AUTS2: variants seen among roughly 807,000 people sequenced by gnomAD.
The protein encoded by AUTS2 is activator of transcription and developmental regulator AUTS2, also known as autism susceptibility gene 2 protein.
AUTS2 carries 17 observed loss-of-function variants against 112.4 expected under a neutral mutation model. That is an observed-to-expected ratio of 0.15 (90% CI 0.10 to 0.23). The LOEUF (loss-of-function observed/expected upper bound fraction) is 0.23, where lower values mean the gene tolerates loss of function less well. Ranked by LOEUF, AUTS2 falls within the 10% of genes least tolerant of loss-of-function variation. AUTS2 has a pLI of 1.00. For synonymous variants in AUTS2, 751 were observed against 702.7 expected (o/e 1.07, Z -1.09); for missense variants, 1,510 against 1,701.6 (o/e 0.89, Z 1.98).
chr7:70,057,305 A>T (rs1584650379), intron 2 of AUTS2, among the ~76,000 whole-genome samples: 1 of 152,198 alleles, frequency 6.6e-6, no homozygotes, highest in South Asian at 2.1e-4. Context: ...ATGATTAATG[A>T]TGCCAAAACT....
chr7:70,377,042 A>C (rs1208629935), intron 4 of AUTS2, among the ~76,000 whole-genome samples: 1 of 151,014 alleles, frequency 6.6e-6, no homozygotes, highest in East Asian at 2.0e-4. Flanking sequence ...ATGCCTGTTT[A>C]TTTGCTTTTT....
intron 2 of AUTS2, among the ~76,000 whole-genome samples, chr7:70,047,644 A>T (rs1473536894): frequency 1.3e-5 from 2 of 152,136 alleles, no homozygotes; most frequent in Non-Finnish European, 2.9e-5. Context: ...ATTTGGAGAG[A>T]TCACTCTTAG....
intron 6 of AUTS2, among the ~76,000 whole-genome samples, chr7:70,752,447 G>A (rs1788927570): frequency 6.6e-6 from 1 of 152,152 alleles, no homozygotes; most frequent in Non-Finnish European, 1.5e-5. Context: ...TCGGTGCAGT[G>A]GGAACGTGTT....
At chr7:70,748,494 A>G (rs568871376) in intron 6 of AUTS2, among the ~76,000 whole-genome samples, 2 of 152,318 alleles carry the variant, frequency 1.3e-5, no homozygotes, top group African/African-American at 2.4e-5. Context: ...TTCTGTTCCT[A>G]AAGATTATTA....
chr7:70,761,184 C>G (rs973851138), intron 6 of AUTS2, among the ~76,000 whole-genome samples: 1 of 152,162 alleles, frequency 6.6e-6, no homozygotes, highest in Non-Finnish European at 1.5e-5. Context: ...GCAGGCACCT[C>G]TAATCCTGGC....
At chr7:69,724,975 G>A (rs576858409) in intron 1 of AUTS2, among the ~76,000 whole-genome samples, 1 of 152,232 alleles carries the variant, frequency 6.6e-6, no homozygotes, top group African/African-American at 2.4e-5. Context: ...TCAAAGGTAG[G>A]ATTTTTTTAA....
intron 17 of AUTS2, 79 bp downstream of exon 17, chr7:70,786,117 G>A (rs1791455199): frequency 7.8e-7 from 1 of 1,288,664 alleles, no homozygotes; most frequent in Admixed American, 1.8e-5. Flanking sequence ...GACCTTTCTA[G>A]AGAAAAGGAA....
Position 70,299,027 on chromosome 7 carries a change from A to ATATC in AUTS2, c.661-136723_661-136722insTCTA, listed in dbSNP as rs1226678966. ...ATTAAGGCAATTAAGCAATTCTTAGATAACATTTGATCAGTTCAATGAAAA... is the reference window on the plus strand; with the variant it reads ...ATTAAGGCAATTAAGCAATTCTTAGATATCTAACATTTGATCAGTTCAATGAAAA... On this transcript the variant is annotated intron_variant, in intron 4 of 18. Transcript: ENST00000342771. 3.9e-5 allele frequency among the ~76,000 whole-genome samples: 6 copies of ATATC among 152,254 alleles called. 1 individual carries two copies. The highest frequency in any genetic ancestry group is 7.3e-5 in the Non-Finnish European group (5 of 68,056).
At chr7:69,777,654 T>A (rs1224574104) in intron 1 of AUTS2, among the ~76,000 whole-genome samples, 1 of 152,170 alleles carries the variant, frequency 6.6e-6, no homozygotes, top group African/African-American at 2.4e-5. Flanking sequence ...GACCAGTAAG[T>A]GTTGAGTTTT....
At chr7:70,334,810 G>C (rs950506091) in intron 4 of AUTS2, among the ~76,000 whole-genome samples, 1 of 152,100 alleles carries the variant, frequency 6.6e-6, no homozygotes, top group Non-Finnish European at 1.5e-5. Context: ...TTAGAATTTA[G>C]GAGTACACAT....
chr7:70,774,654 A>T (rs1204818856), intron 12 of AUTS2: 1 of 152,540 alleles, frequency 6.6e-6, no homozygotes, highest in Non-Finnish European at 1.5e-5. Context: ...ATTTATTACC[A>T]CTGCCTGCTT....
chr7:70,086,381 C>A (rs905571673), intron 2 of AUTS2, among the ~76,000 whole-genome samples: 1 of 152,180 alleles, frequency 6.6e-6, no homozygotes, highest in South Asian at 2.1e-4. Flanking sequence ...ATGGCTCACG[C>A]CTGTAATCCT....
intron 4 of AUTS2, among the ~76,000 whole-genome samples, chr7:70,266,068 T>A (rs762307242): frequency 2.0e-5 from 3 of 152,216 alleles, no homozygotes; most frequent in Non-Finnish European, 2.9e-5. Context: ...AGAAAATACA[T>A]GTTTCTACAA....
At chr7:70,081,387 T>TAAA (rs57155688) in intron 2 of AUTS2, among the ~76,000 whole-genome samples, 10 of 88,906 alleles carry the variant, frequency 1.1e-4, no homozygotes, top group Non-Finnish European at 1.6e-4. Context: ...CCCGTCTCTA[T>TAAA]AAAAAAAAAA....
chr7:70,563,543 A>G (rs1476305129), intron 5 of AUTS2, among the ~76,000 whole-genome samples: 1 of 152,196 alleles, frequency 6.6e-6, no homozygotes, highest in African/African-American at 2.4e-5. Context: ...TATCCAGTTT[A>G]TACTTTATTA....
chr7:70,730,225 T>TTTG (rs202023995), intron 6 of AUTS2, among the ~76,000 whole-genome samples: 1 of 142,374 alleles, frequency 7.0e-6, no homozygotes, highest in African/African-American at 2.5e-5. Context: ...CAGTTTTTTT[T>TTTG]TTTGTTTTTT....
chr7:69,788,309 C>T (rs1267446768), intron 1 of AUTS2, among the ~76,000 whole-genome samples: 2 of 152,110 alleles, frequency 1.3e-5, no homozygotes, highest in African/African-American at 2.4e-5. Context: ...GACATTGCCC[C>T]CAGCTTGCAG....
intron 1 of AUTS2, among the ~76,000 whole-genome samples, chr7:69,644,442 C>T (rs1274614478): frequency 6.6e-6 from 1 of 151,262 alleles, no homozygotes; most frequent in East Asian, 1.9e-4. Context: ...GTTGTAAAGC[C>T]TTGATGGTGG....
At chr7:69,636,492 C>A (rs1281139793) in intron 1 of AUTS2, among the ~76,000 whole-genome samples, 2 of 101,560 alleles carry the variant, frequency 2.0e-5, no homozygotes, top group Admixed American at 8.4e-5. Flanking sequence ...CCCCCCCCCC[C>A]CTTGGCCTCC....
Sources: gnomAD v4.1 joint callset for allele counts (sites outside exome capture counted in the v4.1 genomes callset) on GRCh38, gnomAD v4.1.1 for gene constraint, MANE v1.5 for transcripts, NCBI Gene and HGNC (gene_info 2026-07-23, HGNC 2026-07-21) for gene names.